Variants in TASP1 observed in about 807,000 individuals in gnomAD.
The protein encoded by TASP1 is threonine aspartase 1.
TASP1 carries 16 observed loss-of-function variants against 56.6 expected under a neutral mutation model. The observed-to-expected ratio is 0.28, with a 90% CI of 0.19 to 0.43. The LOEUF is 0.43. Ranked by LOEUF, TASP1 falls within the 20% of genes least tolerant of loss-of-function variation. TASP1 has a pLI of 1.00. For synonymous variants in TASP1, 179 were observed against 184.2 expected (o/e 0.97, Z 0.23); for missense variants, 393 against 511.6 (o/e 0.77, Z 2.24).
At chr20:13,355,016 A>T in the TASP1 span, among the ~76,000 whole-genome samples, 1 of 152,196 alleles carries the variant, frequency 6.6e-6, no homozygotes, top group Non-Finnish European at 1.5e-5. Context: ...TAATATGAAG[A>T]GTGACAATTT....
chr20:13,174,607 T>C, the TASP1 span, among the ~76,000 whole-genome samples: 1 of 151,002 alleles, frequency 6.6e-6, no homozygotes, highest in Non-Finnish European at 1.5e-5. Flanking sequence ...ACTGAGGCGG[T>C]AGAATCACTT....
At chr20:13,145,614 C>T in the TASP1 span, among the ~76,000 whole-genome samples, 1 of 152,060 alleles carries the variant, frequency 6.6e-6, no homozygotes, top group Non-Finnish European at 1.5e-5. Context: ...CAATGACATT[C>T]TTTACAAAAC....
At position 13,390,018 on chromosome 20, in the gene TASP1, C is replaced by T. The variant is rs2041213221; in HGVS notation, c.*342G>A. The T allele has an allele frequency of 4.9e-6, 1 of 205,748 alleles. No homozygotes were observed. The allele number at this position is 205,748 out of a possible 1,614,324, so 12.7% of individuals were successfully genotyped here. A position where few individuals can be genotyped will look rare whatever the true frequency, so the allele number is the denominator to read the frequency against. On this transcript the variant is annotated 3_prime_UTR_variant, in exon 14 of 14. Coordinates refer to ENST00000337743, the MANE Select transcript of TASP1 (RefSeq NM_017714.3). ...ATGTTTCCTGCAACTTTAGGTTTTA[C>T]TTGTAAACAGTTAAAGCACACATTT...
intron 4 of TASP1, among the ~76,000 whole-genome samples, chr20:13,615,344 T>C (rs1194100033): frequency 1.2e-4 from 18 of 152,104 alleles, no homozygotes; most frequent in African/African-American, 1.7e-4. Context: ...TACCTGGCAA[T>C]GGGAATGGCC....
intron 5 of TASP1, among the ~76,000 whole-genome samples, chr20:13,585,390 A>C (rs189844286): frequency 1.3e-5 from 2 of 152,310 alleles, no homozygotes; most frequent in East Asian, 3.9e-4. Context: ...AAAAAACACC[A>C]TTAAGAGATT....
intron 9 of TASP1, among the ~76,000 whole-genome samples, chr20:13,532,666 C>T (rs928256010): frequency 5.9e-5 from 9 of 152,110 alleles, no homozygotes; most frequent in African/African-American, 1.7e-4. Context: ...GATTGTTAGA[C>T]GTAATATCCT....
At chr20:13,198,871 C>T in the TASP1 span, among the ~76,000 whole-genome samples, 185 of 132,922 alleles carry the variant, frequency 1.4e-3, 1 homozygote, top group East Asian at 0.012. Context: ...TCCTTCCTTC[C>T]TTCTTTCCTT....
At chr20:13,335,324 GCACACACA>G in the TASP1 span, among the ~76,000 whole-genome samples, 956 of 141,560 alleles carry the variant, frequency 6.8e-3, 8 homozygotes, top group African/African-American at 0.015. Context: ...CCTCACCTAT[GCACACACA>G]CACACACACA....
At chr20:13,274,672 C>T in the TASP1 span, among the ~76,000 whole-genome samples, 9 of 146,250 alleles carry the variant, frequency 6.2e-5, no homozygotes, top group South Asian at 1.3e-3. Flanking sequence ...CACTCCCCGC[C>T]CCCCCCGCGC....
the TASP1 span, among the ~76,000 whole-genome samples, chr20:13,303,526 CA>C: frequency 6.6e-6 from 1 of 152,176 alleles, no homozygotes; most frequent in African/African-American, 2.4e-5. Context: ...TCAGGGGCAA[CA>C]TAACAGGCAC....
chr20:13,539,367 A>T (rs963753736), intron 8 of TASP1, among the ~76,000 whole-genome samples: 11 of 152,062 alleles, frequency 7.2e-5, no homozygotes, highest in African/African-American at 2.4e-4. Context: ...AGTGGTCAAC[A>T]TAGCAGACCC....
the TASP1 span, among the ~76,000 whole-genome samples, chr20:13,287,904 C>A: frequency 6.6e-6 from 1 of 152,304 alleles, no homozygotes; most frequent in South Asian, 2.1e-4. Context: ...GGCAGGGCCA[C>A]TGGGTAGGTA....
the TASP1 span, chr20:13,117,633 T>G: frequency 1.2e-6 from 2 of 1,613,640 alleles, no homozygotes; most frequent in East Asian, 2.2e-5. Context: ...TGTCACGGAG[T>G]TCTTTGGACT....
At chr20:13,388,355 G>A (rs1439646626), downstream of TASP1, among the ~76,000 whole-genome samples, 2 of 151,774 alleles carry the variant, frequency 1.3e-5, no homozygotes, top group African/African-American at 4.8e-5. Flanking sequence ...CCATGATTCT[G>A]AATATCACTA....
Position 13,559,118 on chromosome 20 carries a change from T to C in TASP1, c.569-4A>G. On this transcript the variant is annotated splice_polypyrimidine_tract_variant and splice_region_variant and intron_variant, in intron 7 of 13. Coordinates refer to ENST00000337743, the MANE Select transcript of TASP1 (RefSeq NM_017714.3). Reference sequence around the variant, plus strand: ...TTAAATGCAGCTAAACTGAATCCTATAAAATAAAAATAAAAAACATTAAAT... The same window carrying C: ...TTAAATGCAGCTAAACTGAATCCTACAAAATAAAAATAAAAAACATTAAAT... The C allele has an allele frequency of 1.3e-6, 2 of 1,526,292 alleles. No individual in the cohort carries two copies. Among genetic ancestry groups the C allele is most frequent in the South Asian group, 1.3e-5 (1 of 75,342 alleles). 94.5% of individuals were successfully genotyped at this position (1,526,292 alleles called of 1,614,324 possible). A position where few individuals can be genotyped will look rare whatever the true frequency, so the allele number is the denominator to read the frequency against.
the TASP1 span, among the ~76,000 whole-genome samples, chr20:13,371,614 T>C: frequency 6.6e-6 from 1 of 152,174 alleles, no homozygotes; most frequent in Non-Finnish European, 1.5e-5. Context: ...TTGAGAAGAA[T>C]GTTTATTCTG....
the TASP1 span, among the ~76,000 whole-genome samples, chr20:13,357,237 G>C: frequency 5.4e-5 from 8 of 147,588 alleles, no homozygotes; most frequent in Middle Eastern, 3.4e-3. Context: ...TTGGGGCTGA[G>C]ATAGGAAGAA....
At chr20:13,197,258 C>T in the TASP1 span, among the ~76,000 whole-genome samples, 1 of 152,166 alleles carries the variant, frequency 6.6e-6, no homozygotes, top group Non-Finnish European at 1.5e-5. Flanking sequence ...GAGTGACCAA[C>T]CCACCTAACA....
At chr20:13,315,462 A>G in the TASP1 span, among the ~76,000 whole-genome samples, 1 of 152,184 alleles carries the variant, frequency 6.6e-6, no homozygotes, top group South Asian at 2.1e-4. Context: ...TGATGATAAA[A>G]GGATCAAGTC....
Sources: allele counts gnomAD v4.1 joint callset (sites outside exome capture counted in the v4.1 genomes callset), GRCh38; gene constraint gnomAD v4.1.1; transcripts MANE v1.5; gene names NCBI Gene and HGNC (gene_info 2026-07-23, HGNC 2026-07-21).